The following PHTF2 variants were observed in gnomAD, a reference collection of about 807,000 sequenced individuals.
PHTF2 encodes the protein putative homeodomain transcription factor 2, also known as protein PHTF2.
PHTF2 carries 60 observed loss-of-function variants against 101.2 expected under a neutral mutation model. The observed-to-expected ratio is 0.59, with a 90% confidence interval of 0.48 to 0.73. The LOEUF (loss-of-function observed/expected upper bound fraction) is 0.73, where lower values mean the gene tolerates loss of function less well. Among genes scored for constraint, PHTF2 ranks in the 30% least tolerant of loss-of-function variants. PHTF2 has a pLI of 0.00. For missense variants in PHTF2, 747 were observed against 908.7 expected, an observed-to-expected ratio of 0.82 and a Z score of 2.29; for synonymous variants, 311 against 307.3, an observed-to-expected ratio of 1.01 and a Z score of -0.13.
At chr7:77,923,691 G>A in intron 11 of PHTF2, 1 of 985,348 alleles carries the variant, frequency 1.0e-6, no homozygotes, top group Non-Finnish European at 1.2e-6. Flanking sequence ...TCCTAAGCCA[G>A]ATAACCAAGC....
At chr7:77,805,960 A>G (rs895585862) in intron 1 of PHTF2, among the ~76,000 whole-genome samples, 2 of 152,204 alleles carry the variant, frequency 1.3e-5, no homozygotes, top group African/African-American at 4.8e-5. Flanking sequence ...GGGTCATTTG[A>G]GATCAGGAGT....
Position 77,884,165 on chromosome 7 carries a change from AC to A in PHTF2, c.148-9442del, listed in dbSNP as rs148885503. Among the ~76,000 whole-genome samples the A allele has an allele frequency of 2.0e-3, 298 of 152,312 alleles. 7 individuals carry two copies. The East Asian group carries it at 0.044, about 23-fold the overall frequency. On this transcript the variant is annotated intron_variant, in intron 3 of 19. Coordinates refer to ENST00000416283, the Ensembl canonical transcript of PHTF2. The stretch of plus-strand genomic sequence containing the variant: ...GGAAAACAAAGTGTTAAAATCCAGC[AC>A]TCCAAATATGACAAAGTGTATTTTC...
chr7:77,900,507 A>G (rs1264532513), intron 5 of PHTF2, among the ~76,000 whole-genome samples: 1 of 152,208 alleles, frequency 6.6e-6, no homozygotes, highest in Non-Finnish European at 1.5e-5. Flanking sequence ...TGTTACACAC[A>G]TCTCTAAATA....
At chr7:77,867,858 C>A (rs1161654840) in intron 3 of PHTF2, among the ~76,000 whole-genome samples, 2 of 152,116 alleles carry the variant, frequency 1.3e-5, no homozygotes, top group African/African-American at 2.4e-5. Flanking sequence ...TGCAGTTCTC[C>A]TTTACATACG....
At chr7:77,910,001 C>A (rs1239161972) in intron 8 of PHTF2, 3 of 334,132 alleles carry the variant, frequency 9.0e-6, no homozygotes, top group East Asian at 1.0e-4. Flanking sequence ...CCAATGCAAT[C>A]CTTTCAATCT....
At chr7:77,920,645 T>C (rs1175394822) in intron 10 of PHTF2, among the ~76,000 whole-genome samples, 180 bp downstream of exon 9, 2 of 152,182 alleles carry the variant, frequency 1.3e-5, no homozygotes, top group Non-Finnish European at 2.9e-5. Context: ...TGATTGACAA[T>C]ATAATCTGAC....
chr7:77,913,693 C>T (rs1197336209), intron 9 of PHTF2, among the ~76,000 whole-genome samples: 1 of 152,108 alleles, frequency 6.6e-6, no homozygotes, highest in African/African-American at 2.4e-5. Context: ...AAGCAATTCT[C>T]CCACCTTAAC....
intron 16 of PHTF2, among the ~76,000 whole-genome samples, chr7:77,944,091 A>G (rs1226767374): frequency 2.6e-5 from 4 of 152,246 alleles, no homozygotes; most frequent in African/African-American, 4.8e-5. Flanking sequence ...ATCTGAGTTC[A>G]TAAGATAATA....
chr7:77,860,519 T>G (rs1797551763), intron 3 of PHTF2, among the ~76,000 whole-genome samples: 1 of 152,158 alleles, frequency 6.6e-6, no homozygotes, highest in Non-Finnish European at 1.5e-5. Flanking sequence ...TCTTTATCTG[T>G]AATATTGAGA....
intron 2 of PHTF2, among the ~76,000 whole-genome samples, chr7:77,842,080 C>A (rs149924234): frequency 5.3e-5 from 8 of 152,246 alleles, no homozygotes; most frequent in African/African-American, 1.7e-4. Flanking sequence ...ATTGAAATGA[C>A]CCTCTTATCC....
intron 1 of PHTF2, among the ~76,000 whole-genome samples, chr7:77,820,747 T>A (rs1794220699): frequency 6.6e-6 from 1 of 152,234 alleles, no homozygotes; most frequent in Non-Finnish European, 1.5e-5. Flanking sequence ...AATGGGGAAT[T>A]TAATCCGTTT....
At chr7:77,804,375 G>C (rs749262157) in intron 1 of PHTF2, among the ~76,000 whole-genome samples, 2 of 152,214 alleles carry the variant, frequency 1.3e-5, no homozygotes, top group African/African-American at 4.8e-5. Context: ...GCCCAGGCGG[G>C]AGTGCAGTGG....
chr7:77,907,165 A>C (rs533875198), intron 7 of PHTF2, among the ~76,000 whole-genome samples: 59 of 152,304 alleles, frequency 3.9e-4, no homozygotes, highest in African/African-American at 1.3e-3. Flanking sequence ...AAAACAAAAA[A>C]GACTCTCTGC....
intron 18 of PHTF2, among the ~76,000 whole-genome samples, chr7:77,952,503 C>G (rs1806638991): frequency 6.6e-6 from 1 of 152,066 alleles, no homozygotes; most frequent in Admixed American, 6.6e-5. Context: ...TTTTCAAATC[C>G]CTTTAATTAT....
chr7:77,886,111 G>A (rs1799823076), intron 3 of PHTF2, among the ~76,000 whole-genome samples: 1 of 152,196 alleles, frequency 6.6e-6, no homozygotes, highest in African/African-American at 2.4e-5. Context: ...TTTTATCTAA[G>A]CACTCAGTCT....
At chr7:77,852,992 A>G (rs889371377) in intron 2 of PHTF2, among the ~76,000 whole-genome samples, 4 of 152,002 alleles carry the variant, frequency 2.6e-5, no homozygotes, top group South Asian at 4.2e-4. Context: ...TTCTTTTGCC[A>G]GTTTTAGGCT....
At chr7:77,868,744 T>A (rs1798281665) in intron 3 of PHTF2, among the ~76,000 whole-genome samples, 1 of 152,220 alleles carries the variant, frequency 6.6e-6, no homozygotes, top group South Asian at 2.1e-4. Flanking sequence ...TGGGCTTTTA[T>A]GCTTGCAGAT....
chr7:77,830,954 A>G (rs966442521), intron 1 of PHTF2, among the ~76,000 whole-genome samples: 6 of 152,242 alleles, frequency 3.9e-5, no homozygotes, highest in Admixed American at 3.9e-4. Flanking sequence ...ATAACAAAAC[A>G]TTACTAGAGA....
chr7:77,840,646 A>G (rs993888296), intron 2 of PHTF2, among the ~76,000 whole-genome samples: 1 of 152,040 alleles, frequency 6.6e-6, no homozygotes, highest in Non-Finnish European at 1.5e-5. Flanking sequence ...ATAGTTTTTA[A>G]TTTGTTTCTT....
Sources: allele counts gnomAD v4.1 joint callset (sites outside exome capture counted in the v4.1 genomes callset), GRCh38; gene constraint gnomAD v4.1.1; transcripts MANE v1.5; gene names NCBI Gene and HGNC (gene_info 2026-07-23, HGNC 2026-07-21).